VBP1: variants seen among roughly 807,000 people sequenced by gnomAD.
VBP1 encodes VHL binding protein 1, also known as prefoldin subunit 3.
Under a neutral mutation model 15.5 loss-of-function variants are expected in VBP1, and 4 were observed. The observed-to-expected ratio is 0.26, with a 90% CI of 0.13 to 0.59. VBP1 has a LOEUF of 0.59. Ranked by LOEUF, VBP1 falls within the 20% of genes least tolerant of loss-of-function variation. VBP1 has a pLI of 0.90. For synonymous variants in VBP1, 61 were observed against 52.1 expected, an observed-to-expected ratio of 1.17 and a Z score of -0.74; for missense variants, 108 against 139.6, an observed-to-expected ratio of 0.77 and a Z score of 1.14.
chrX:155,218,955 G>T (rs1557309331), intron 1 of VBP1, among the ~76,000 whole-genome samples: 1 of 111,984 alleles, frequency 8.9e-6, no homozygotes. Context: ...CATGTATCAT[G>T]TGCCAGAAAC....
chrX:155,216,441 G>A (rs1557308999), upstream of VBP1: 4 of 1,160,075 alleles, frequency 3.4e-6, no homozygotes, highest in South Asian at 3.9e-5. Context: ...GAATCCCGGC[G>A]GCCGGCGGCC....
intron 2 of VBP1, among the ~76,000 whole-genome samples, chrX:155,210,549 G>A (rs147566935): frequency 0.047 from 5,196 of 111,484 alleles, 155 homozygotes; most frequent in East Asian, 0.18. Flanking sequence ...TTCATACCAG[G>A]TGTTCTTCAG....
At chrX:155,202,116 C>G (rs1247118939) in intron 1 of VBP1, among the ~76,000 whole-genome samples, 6 of 111,455 alleles carry the variant, frequency 5.4e-5, no homozygotes, top group Non-Finnish European at 1.1e-4. Flanking sequence ...AAAGAGGATA[C>G]AAAGAAATGG....
chrX:155,200,908 TA>T (rs2074600635), intron 1 of VBP1, among the ~76,000 whole-genome samples: 1 of 109,427 alleles, frequency 9.1e-6, no homozygotes, highest in Middle Eastern at 4.7e-3. Context: ...ATAGATGCAA[TA>T]AAAAATGATA....
intron 2 of VBP1, among the ~76,000 whole-genome samples, chrX:155,209,782 T>A (rs1410221365): frequency 8.9e-6 from 1 of 112,139 alleles, no homozygotes; most frequent in Non-Finnish European, 1.9e-5. Context: ...AGGTGTTAGA[T>A]AATGAGAAAA....
At position 155,216,468 on chromosome X, in the gene VBP1, G is replaced by A. The variant is rs1557309016; in HGVS notation, c.-15G>A. 1.7e-6 allele frequency: 2 copies of A among 1,165,275 alleles called. No individual in the cohort carries two copies. The highest frequency in any genetic ancestry group is 1.9e-5 in the South Asian group (1 of 52,489). On this transcript the variant is annotated 5_prime_UTR_variant, in exon 1 of 6. Coordinates refer to ENST00000286428, the MANE Select transcript of VBP1 (RefSeq NM_003372.7). ...CCGGCGGCCCGGGAGGCAGTCGCGC[G>A]CTCGCATCCCCAAGATGGCGGCCGT...
At chrX:155,233,052 G>A (rs1557311086) in intron 4 of VBP1, among the ~76,000 whole-genome samples, 1 of 112,177 alleles carries the variant, frequency 8.9e-6, no homozygotes. Flanking sequence ...TCACAAACAA[G>A]GTTGAGTGAA....
At chrX:155,197,372 A>C (rs782439430) in intron 1 of VBP1, among the ~76,000 whole-genome samples, 1 of 111,869 alleles carries the variant, frequency 8.9e-6, no homozygotes, top group African/African-American at 3.2e-5. Flanking sequence ...CTCTTAAGGA[A>C]AGATAATTGC....
chrX:155,228,310 G>A, intron 3 of VBP1, 74 bp from the exon 4 acceptor site: 1 of 795,954 alleles, frequency 1.3e-6, no homozygotes, highest in African/African-American at 2.1e-5. Context: ...GTTCAACTGT[G>A]CAATCTCTCC....
rs782112364 is a variant in VBP1, at chrX:155,235,893, G to C, written c.385-336G>C. 1.9e-4 allele frequency among the ~76,000 whole-genome samples: 21 copies of C among 112,129 alleles called. No individual in the cohort carries two copies. In the East Asian group the frequency reaches 5.6e-3, roughly 30 times the overall value. ...CCTGAGCCTTCATTTCTTTAACTGT[G>C]AAGAAGACAACTTTGGCCTCAGCAG... On this transcript the variant is annotated intron_variant, in intron 4 of 5. Coordinates refer to ENST00000286428, the MANE Select transcript of VBP1 (RefSeq NM_003372.7).
intron 1 of VBP1, among the ~76,000 whole-genome samples, chrX:155,203,427 G>A (rs2074613846): frequency 9.0e-6 from 1 of 110,502 alleles, no homozygotes. Context: ...ATACTATGCA[G>A]CCATAAAAAA....
chrX:155,201,063 G>T (rs1214287452), intron 1 of VBP1, among the ~76,000 whole-genome samples: 1 of 111,563 alleles, frequency 9.0e-6, no homozygotes, highest in African/African-American at 3.3e-5. Flanking sequence ...AAAGCAGGAA[G>T]AAGTTGAATC....
chrX:155,226,556 A>G (rs979623677), intron 2 of VBP1, among the ~76,000 whole-genome samples: 11 of 112,198 alleles, frequency 9.8e-5, no homozygotes, highest in African/African-American at 3.2e-5. Flanking sequence ...ACTAAATTAT[A>G]CTGTATCATA....
chrX:155,224,051 G>A (rs1458304996), intron 2 of VBP1, among the ~76,000 whole-genome samples: 2 of 108,737 alleles, frequency 1.8e-5, no homozygotes, highest in African/African-American at 6.7e-5. Flanking sequence ...ATGGGCGGCC[G>A]GGCAGAGACG....
rs943228991 is a variant in VBP1, at chrX:155,238,992, T to C, written c.*150T>C. The C allele has an allele frequency of 2.8e-6, 1 of 355,595 alleles. No individual in the cohort carries two copies. Among genetic ancestry groups the C allele is most frequent in the Non-Finnish European group, 4.6e-6 (1 of 217,879 alleles). The allele number at this position is 355,595 out of a possible 1,213,427, so 29.3% of individuals were successfully genotyped here. ...TTTTATTTATTTATAAAAACAAAAT[T>C]AGTTTCAAATATTTTTGACATTGTG... On this transcript the variant is annotated 3_prime_UTR_variant, in exon 6 of 6. Coordinates refer to ENST00000286428, the MANE Select transcript of VBP1 (RefSeq NM_003372.7).
chrX:155,203,126 A>G (rs2074612188), intron 1 of VBP1, among the ~76,000 whole-genome samples: 1 of 111,651 alleles, frequency 9.0e-6, no homozygotes, highest in Admixed American at 9.5e-5. Flanking sequence ...GCTGGAGAGG[A>G]TGTGGAGAAA....
upstream of VBP1, among the ~76,000 whole-genome samples, chrX:155,215,123 C>A (rs1344424910): frequency 1.8e-5 from 2 of 111,358 alleles, no homozygotes; most frequent in Non-Finnish European, 3.8e-5. Context: ...TTGATTGGTT[C>A]TAACAATGAT....
intron 1 of VBP1, chrX:155,208,790 C>T: frequency 1.9e-6 from 1 of 539,626 alleles, no homozygotes; most frequent in Non-Finnish European, 2.9e-6. Context: ...TAGGGGGCTA[C>T]TTGTTCTCAT....
rs189230781 is a variant in VBP1 at position 155,227,673 on chromosome X, A to T, written c.285+372A>T. ...AGAATAAGGAGTTAGTCCAAGATTT[A>T]TAGAGCTGGAACGAATCTTAGAGAT... On this transcript the variant is annotated intron_variant, in intron 3 of 5. Coordinates refer to ENST00000286428, the MANE Select transcript of VBP1 (RefSeq NM_003372.7). 8.0e-5 allele frequency among the ~76,000 whole-genome samples: 9 copies of T among 112,440 alleles called. No individual in the cohort carries two copies. In the East Asian group the frequency reaches 2.2e-3, roughly 28 times the overall value.
Sources: allele counts gnomAD v4.1 joint callset (sites outside exome capture counted in the v4.1 genomes callset), GRCh38; gene constraint gnomAD v4.1.1; transcripts MANE v1.5; gene names NCBI Gene and HGNC (gene_info 2026-07-23, HGNC 2026-07-21).